OSBPL6: variants seen among roughly 807,000 people sequenced by gnomAD.
OSBPL6 encodes oxysterol binding protein like 6.
A neutral mutation model predicts 125.8 loss-of-function variants in OSBPL6; 49 were observed. The ratio of observed to expected loss-of-function variants is 0.39; its 90% CI spans 0.31 to 0.49. OSBPL6 has a LOEUF of 0.49. OSBPL6 is among the 20% of genes least tolerant of loss of function. The pLI is 0.88. For missense variants in OSBPL6, 986 were observed against 1,135.4 expected, an observed-to-expected ratio of 0.87 and a Z score of 1.89; for synonymous variants, 394 against 391.8, an observed-to-expected ratio of 1.01 and a Z score of -0.07.
intron 1 of OSBPL6, among the ~76,000 whole-genome samples, chr2:178,267,333 G>A: frequency 8.3e-6 from 1 of 121,108 alleles, no homozygotes; most frequent in East Asian, 2.6e-4. Context: ...CAGCCTGGGT[G>A]ACAGAGTGAA....
In OSBPL6 at chr2:178,328,361, T is replaced by G. The variant is rs372972233; in HGVS notation, c.301T>G (p.Leu101Val). 221 of 1,613,426 alleles carry G rather than the reference T, an allele frequency of 1.4e-4. No individual in the cohort carries two copies. Among genetic ancestry groups the G allele is most frequent in the Non-Finnish European group, 1.8e-4 (212 of 1,179,796 alleles). Reference sequence around the variant, plus strand: ...TATGCTGAAGAAAAGAAAATGGCCTTTAAAAGGCTGGCACAAGGTAACATT... The same window carrying G: ...TATGCTGAAGAAAAGAAAATGGCCTGTAAAAGGCTGGCACAAGGTAACATT... Reference protein sequence around the residue: ...GFMLKKRKWPLKGWHKRFFVL... With the variant: ...GFMLKKRKWPVKGWHKRFFVL... Residue 101 changes from leucine to valine, a missense_variant, in exon 5 of 25, where the codon TTA becomes GTA. This residue lies in a region of OSBPL6 where 13 missense variants were observed against 31.7 expected (regional missense o/e 0.41). Transcript: ENST00000190611.
At chr2:178,362,279 TC>T in intron 13 of OSBPL6, among the ~76,000 whole-genome samples, 1 of 152,330 alleles carries the variant, frequency 6.6e-6, no homozygotes, top group East Asian at 1.9e-4. Context: ...CTCATTTTTT[TC>T]TTTTCTGATT....
chr2:178,371,733 G>C (rs1380553156), intron 13 of OSBPL6, among the ~76,000 whole-genome samples: 1 of 151,956 alleles, frequency 6.6e-6, no homozygotes, highest in Admixed American at 6.6e-5. Context: ...CCAAACTTTA[G>C]AAACTAGAAC....
Position 178,320,346 on chromosome 2 carries a change from C to T in OSBPL6, c.103-3831C>T, listed in dbSNP as rs1271109808. On this transcript the variant is annotated intron_variant, in intron 3 of 24. Coordinates refer to ENST00000190611, the MANE Select transcript of OSBPL6 (RefSeq NM_032523.4). Reference sequence around the variant, plus strand: ...TACAGTGAAATATGTGTTCCAGGTTCCTGGTTTTAAGCTAAATATGCATCA... The same window carrying T: ...TACAGTGAAATATGTGTTCCAGGTTTCTGGTTTTAAGCTAAATATGCATCA... The T allele has an allele frequency of 3.7e-6, 6 of 1,612,890 alleles. No homozygotes were observed. The South Asian group carries it at 6.6e-5, about 18-fold the overall frequency.
At chr2:178,378,175 GCTTATCACTGT>G (rs1370245781) in intron 15 of OSBPL6, among the ~76,000 whole-genome samples, 1 of 151,856 alleles carries the variant, frequency 6.6e-6, no homozygotes, top group Non-Finnish European at 1.5e-5. Flanking sequence ...TTTCCTTCAT[GCTTATCACTGT>G]CTTAAATATA....
In OSBPL6 at chr2:178,371,849, C is replaced by G. The variant is rs569953658; in HGVS notation, c.1288-277C>G. On this transcript the variant is annotated intron_variant, in intron 13 of 24. Transcript: ENST00000190611. ...GGGCTTGAGTATAATGGGACTCACTCTAAAGGAAAGAAAATTTCATGAATC... is the reference window on the plus strand; with the variant it reads ...GGGCTTGAGTATAATGGGACTCACTGTAAAGGAAAGAAAATTTCATGAATC... Among the ~76,000 whole-genome samples, 5 of 152,216 alleles carry G rather than the reference C, an allele frequency of 3.3e-5. No homozygotes were observed. In the East Asian group the frequency reaches 9.7e-4, roughly 29 times the overall value.
intron 15 of OSBPL6, among the ~76,000 whole-genome samples, chr2:178,378,425 G>A (rs1451473516): frequency 1.3e-5 from 2 of 152,130 alleles, no homozygotes; most frequent in South Asian, 2.1e-4. Flanking sequence ...CCATGGCAGA[G>A]GGAAAAATCC....
chr2:178,255,869 T>C (rs1295099883), intron 1 of OSBPL6, among the ~76,000 whole-genome samples: 1 of 152,248 alleles, frequency 6.6e-6, no homozygotes, highest in Non-Finnish European at 1.5e-5. Flanking sequence ...GTTAGAACTT[T>C]GGAGGGTAAA....
Position 178,382,514 on chromosome 2 carries a change from A to G in OSBPL6, c.1621+7A>G, listed in dbSNP as rs778955303. 5 of 1,614,150 alleles carry G rather than the reference A, an allele frequency of 3.1e-6. No individual in the cohort carries two copies. Among genetic ancestry groups the G allele is most frequent in the Non-Finnish European group, 1.7e-6 (2 of 1,180,020 alleles). On this transcript the variant is annotated splice_region_variant and intron_variant, in intron 16 of 24. Coordinates refer to ENST00000190611, the MANE Select transcript of OSBPL6 (RefSeq NM_032523.4). ...GACAATATTTCTCGGCAAAGTATGC[A>G]TCATTTGAGCTTCCAGGTTGTTCTA...
At chr2:178,258,815 T>G (rs1287815347) in intron 1 of OSBPL6, among the ~76,000 whole-genome samples, 3 of 152,142 alleles carry the variant, frequency 2.0e-5, no homozygotes, top group Admixed American at 2.0e-4. Context: ...TTCTTATGAA[T>G]CAAATCTCTC....
chr2:178,388,795 C>G (rs1695162191), intron 20 of OSBPL6, among the ~76,000 whole-genome samples: 3 of 152,164 alleles, frequency 2.0e-5, no homozygotes, highest in Admixed American at 2.0e-4. Context: ...CACTTTGTAA[C>G]TTTAGCACCT....
intron 1 of OSBPL6, among the ~76,000 whole-genome samples, chr2:178,204,025 C>CTTTTTTTTTTTTTT (rs1166160655): frequency 5.4e-5 from 7 of 129,002 alleles, no homozygotes; most frequent in African/African-American, 1.5e-4. Flanking sequence ...TTTTCTTTTT[C>CTTTTTTTTTTTTTT]TTTTTTTTTT....
chr2:178,326,844 C>T (rs60248353), intron 4 of OSBPL6, among the ~76,000 whole-genome samples: 4,801 of 152,222 alleles, frequency 0.032, 239 homozygotes, highest in African/African-American at 0.11. Context: ...TTGCTCCAAG[C>T]TGTCACATCT....
intron 12 of OSBPL6, among the ~76,000 whole-genome samples, chr2:178,361,429 T>C (rs1692345149): frequency 6.6e-6 from 1 of 152,268 alleles, no homozygotes; most frequent in African/African-American, 2.4e-5. Flanking sequence ...TTTTACATGC[T>C]ACTTCCAGAT....
At chr2:178,352,596 G>C (rs114245626) in intron 12 of OSBPL6, among the ~76,000 whole-genome samples, 8,893 of 152,268 alleles carry the variant, frequency 0.058, 337 homozygotes, top group South Asian at 0.15. Context: ...AGCTCGAACT[G>C]GGCAGAGCCC....
At chr2:178,212,812 ATTTTT>A (rs11351848) in intron 1 of OSBPL6, among the ~76,000 whole-genome samples, 11 of 147,158 alleles carry the variant, frequency 7.5e-5, no homozygotes, top group Non-Finnish European at 1.4e-4. Flanking sequence ...CCTCTTGATA[ATTTTT>A]TTTTTTTTTG....
chr2:178,395,057 C>T (rs1334414181), intron 24 of OSBPL6, among the ~76,000 whole-genome samples: 1 of 152,116 alleles, frequency 6.6e-6, no homozygotes, highest in Non-Finnish European at 1.5e-5. Flanking sequence ...GCTCCTTGGA[C>T]ATGGGCCCAG....
intron 19 of OSBPL6, among the ~76,000 whole-genome samples, chr2:178,385,864 T>C (rs1248210943): frequency 6.6e-6 from 1 of 152,204 alleles, no homozygotes; most frequent in Non-Finnish European, 1.5e-5. Context: ...CTTCGGGGTG[T>C]GCAAAGACAT....
At chr2:178,294,295 C>A (rs1026047613) in intron 2 of OSBPL6, among the ~76,000 whole-genome samples, 1 of 151,922 alleles carries the variant, frequency 6.6e-6, no homozygotes, top group African/African-American at 2.4e-5. Context: ...GGAGGTAAAA[C>A]CTAAATAACT....
Sources: allele counts gnomAD v4.1 joint callset (sites outside exome capture counted in the v4.1 genomes callset), GRCh38; gene constraint gnomAD v4.1.1; regional missense constraint gnomAD v4.1.1; transcripts MANE v1.5; gene names NCBI Gene and HGNC (gene_info 2026-07-23, HGNC 2026-07-21).